The following FADS3 variants were observed in gnomAD, a reference collection of about 807,000 sequenced individuals.
FADS3 encodes the protein fatty acid desaturase 3.
A neutral mutation model predicts 60.4 loss-of-function variants in FADS3; 30 were observed. The observed-to-expected ratio is 0.50, with a 90% CI of 0.37 to 0.67. The LOEUF (loss-of-function observed/expected upper bound fraction) is 0.67. Ranked by LOEUF, FADS3 falls within the 30% of genes least tolerant of loss-of-function variation. The probability of loss-of-function intolerance (pLI) is 0.00; values close to 1 mark genes in which losing one functional copy is unlikely to be tolerated. For missense variants in FADS3, 432 were observed against 598.3 expected, an observed-to-expected ratio of 0.72 and a Z score of 2.90; for synonymous variants, 234 against 249.3, an observed-to-expected ratio of 0.94 and a Z score of 0.58.
At chr11:61,881,371 C>A (rs1938123914) in intron 1 of FADS3, 1 of 152,188 alleles carries the variant, frequency 6.6e-6, no homozygotes, top group African/African-American at 2.4e-5. Context: ...CACACCTGGG[C>A]TCACTTAGCC....
At position 61,875,844 on chromosome 11, in the gene FADS3, G is replaced by A; in HGVS notation, c.1286+7C>T. On this transcript the variant is annotated splice_region_variant and intron_variant, in intron 11 of 11. Transcript: ENST00000278829. ...ACCAGAACAGAGGGGCCGGGCTGCA[G>A]CCTCACCTGACGATGTCCACCAGCG... 3.1e-6 allele frequency: 5 copies of A among 1,611,234 alleles called. No homozygotes were observed. The highest frequency in any genetic ancestry group is 1.7e-6 in the Non-Finnish European group (2 of 1,178,448).
At chr11:61,885,992 C>T (rs1938299958) in intron 1 of FADS3, among the ~76,000 whole-genome samples, 1 of 152,122 alleles carries the variant, frequency 6.6e-6, no homozygotes, top group African/African-American at 2.4e-5. Context: ...GATGAGGAAA[C>T]TGAGGCCCCA....
At chr11:61,879,895 G>C in intron 2 of FADS3, 146 bp downstream of exon 2, 1 of 636,374 alleles carries the variant, frequency 1.6e-6, no homozygotes, top group Non-Finnish European at 2.7e-6. Flanking sequence ...CCTGCCCCCT[G>C]GGAGGGGAGG....
Position 61,879,500 on chromosome 11 carries a change from C to T in FADS3, c.334G>A (p.Val112Ile). 6.3e-7 allele frequency: 1 copy of T among 1,578,880 alleles called. No individual in the cohort carries two copies. Among genetic ancestry groups the T allele is most frequent in the Non-Finnish European group, 8.6e-7 (1 of 1,165,332 alleles). ...SQDGPLNAQLVEDFRALHQAA... is the reference protein window; with the variant it reads ...SQDGPLNAQLIEDFRALHQAA... ...TGGTGCAGGGCTCGGAAGTCCTCGACCAGCTGCGCCTGCCATAGCAGAGGG... is the reference window on the plus strand; with the variant it reads ...TGGTGCAGGGCTCGGAAGTCCTCGATCAGCTGCGCCTGCCATAGCAGAGGG... The change falls in exon 3 of 12, where the codon GTC becomes ATC. Residue 112 changes from valine (V) to isoleucine (I), a missense_variant. Physicochemically the swap from Val to Ile is conservative, Grantham distance 29. Transcript: ENST00000278829.
chr11:61,876,451 G>A lies in FADS3; in HGVS notation c.988C>T (p.Leu330=), dbSNP rs757562139. 6.2e-6 allele frequency: 10 copies of A among 1,613,370 alleles called. No individual in the cohort carries two copies. The South Asian group carries it at 8.8e-5, about 14-fold the overall frequency. The stretch of plus-strand genomic sequence containing the variant: ...ATCCACACGAACCAGTGGCTTTCCA[G>A]GACCCTGTGGGGAGGCTCGGGCACT... ...VLLFFVAVRV[L]ESHWFVWITQ... The change falls in exon 9 of 12, where the codon CTG becomes TTG. Residue 330 remains leucine (L), a synonymous_variant. Transcript: ENST00000278829. This position sits in a 1 kb window ranked among gnomAD's most constrained non-coding sequence, Gnocchi z 5.7.
intron 1 of FADS3, 59 bp downstream of exon 1, chr11:61,891,110 C>A: frequency 7.0e-7 from 1 of 1,418,946 alleles, no homozygotes; most frequent in Non-Finnish European, 9.7e-7. Flanking sequence ...GGACATCACG[C>A]CCACGACCGA....
At chr11:61,887,900 CCT>C (rs1264429041) in intron 1 of FADS3, among the ~76,000 whole-genome samples, 3 of 152,220 alleles carry the variant, frequency 2.0e-5, no homozygotes, top group Admixed American at 1.3e-4. Context: ...CCTCTCTGAG[CCT>C]CTGTTTTCTC....
chr11:61,876,806 G>T lies in FADS3; in HGVS notation c.983+60C>A, dbSNP rs769574979. 2.1e-5 allele frequency: 27 copies of T among 1,290,256 alleles called. No homozygotes were observed. In the East Asian group the frequency reaches 2.2e-4, roughly 10 times the overall value. The allele number at this position is 1,290,256 out of a possible 1,614,324, so 79.9% of individuals were successfully genotyped here. A position where few individuals can be genotyped will look rare whatever the true frequency, so the allele number is the denominator to read the frequency against. ...CAGACGGGAAAAGGGAAGCTCTGGT[G>T]GGGGGCTGCAGTGGGGGTCACCTGT... On this transcript the variant is annotated intron_variant, in intron 8 of 11. Coordinates refer to ENST00000278829, the MANE Select transcript of FADS3 (RefSeq NM_021727.5). This position sits in a 1 kb window ranked among gnomAD's most constrained non-coding sequence, Gnocchi z 5.7.
At chr11:61,890,785 C>T (rs1938478027) in intron 1 of FADS3, among the ~76,000 whole-genome samples, 1 of 152,222 alleles carries the variant, frequency 6.6e-6, no homozygotes, top group African/African-American at 2.4e-5. Context: ...CTTACCGGCC[C>T]CTGGGGACCC....
chr11:61,891,119 G>C (rs764088148), intron 1 of FADS3, 50 bp downstream of exon 1: 143 of 1,473,700 alleles, frequency 9.7e-5, no homozygotes, highest in Non-Finnish European at 1.3e-4. Context: ...GCCCACGACC[G>C]AGCTCCAGGC....
At chr11:61,883,647 T>C (rs1251446490) in intron 1 of FADS3, among the ~76,000 whole-genome samples, 1 of 152,076 alleles carries the variant, frequency 6.6e-6, no homozygotes, top group Non-Finnish European at 1.5e-5. Flanking sequence ...CAGAATCTCC[T>C]CCCTCCCAGC....
chr11:61,877,483 G>T lies in FADS3; in HGVS notation c.885+28C>A. 6.2e-7 allele frequency: 1 copy of T among 1,607,746 alleles called. No homozygotes were observed. The highest frequency in any genetic ancestry group is 8.5e-7 in the Non-Finnish European group (1 of 1,177,324). Reference sequence around the variant, plus strand: ...CCACCTCCTGCCACGGCAGCCGTATGCCCGGGGTCCTGGGCAACCCCACTC... The same window carrying T: ...CCACCTCCTGCCACGGCAGCCGTATTCCCGGGGTCCTGGGCAACCCCACTC... On this transcript the variant is annotated intron_variant, in intron 7 of 11. Transcript: ENST00000278829. This position sits in a 1 kb window ranked among gnomAD's most constrained non-coding sequence, Gnocchi z 4.7.
chr11:61,888,137 C>A (rs535204957), intron 1 of FADS3, among the ~76,000 whole-genome samples: 1 of 152,348 alleles, frequency 6.6e-6, no homozygotes. Flanking sequence ...ACAAACCTGG[C>A]CAAGGGCCCA....
rs1469791141 is a variant in FADS3, at chr11:61,879,397, T to G, written c.437A>C (p.Glu146Ala). The G allele has an allele frequency of 6.3e-7, 1 of 1,589,316 alleles. No homozygotes were observed. The highest frequency in any genetic ancestry group is 1.1e-5 in the South Asian group (1 of 87,010). The change falls in exon 3 of 12, where the codon GAG (glutamate) becomes GCG (alanine). Residue 146 changes from glutamate (E) to alanine (A), a missense_variant. By Grantham distance (107) the Glu-to-Ala change is moderately radical (BLOSUM62 -1). Transcript: ENST00000278829. ...GTAGATAAGGAGCCAGGCCAGCACC[T>G]CCATGGCCAGGATGTGGCCCAGTAG... is the stretch of plus-strand genomic sequence containing the variant. ...AFLLGHILAM[E>A]VLAWLLIYLL...
chr11:61,876,054 GA>G lies in FADS3; in HGVS notation c.1160+56del. On this transcript the variant is annotated intron_variant, in intron 10 of 11. Coordinates refer to ENST00000278829, the MANE Select transcript of FADS3 (RefSeq NM_021727.5). This position sits in a 1 kb window ranked among gnomAD's most constrained non-coding sequence, Gnocchi z 5.7. ...GCCCCACCCACGGGTCCCCTCCCAG[GA>G]TCCCCTCCCAGGACCCCCTCCCCAC... The G allele has an allele frequency of 6.2e-7, 1 of 1,608,912 alleles. No individual in the cohort carries two copies. Among genetic ancestry groups the G allele is most frequent in the Non-Finnish European group, 8.5e-7 (1 of 1,177,092 alleles).
At position 61,879,374 on chromosome 11, in the gene FADS3, A is replaced by G; in HGVS notation, c.460T>C (p.Tyr154His). 1 of 1,570,906 alleles carries G rather than the reference A, an allele frequency of 6.4e-7. No individual in the cohort carries two copies. Among genetic ancestry groups the G allele is most frequent in the Middle Eastern group, 1.7e-4 (1 of 5,976 alleles). ...GGCACCCAGCCAGGACCCAGGAGGT[A>G]GATAAGGAGCCAGGCCAGCACCTCC... ...AMEVLAWLLI[Y>H]LLGPGWVPSA... The change falls in exon 3 of 12, where the codon TAC becomes CAC. Residue 154 changes from tyrosine to histidine, a missense_variant. Physicochemically the swap from Tyr to His is moderately conservative, Grantham distance 83 (BLOSUM62 2). This residue lies in a region of FADS3 where 116 missense variants were observed against 208.9 expected (regional missense o/e 0.56). Transcript: ENST00000278829.
chr11:61,873,975 G>A, intron 11 of FADS3, 110 bp from the exon 12 acceptor site: 1 of 693,480 alleles, frequency 1.4e-6, no homozygotes, highest in Non-Finnish European at 2.5e-6. Flanking sequence ...ATTCCCTGTG[G>A]GTTCCCTTCC....
intron 1 of FADS3, among the ~76,000 whole-genome samples, chr11:61,890,046 G>C (rs1938445079): frequency 6.6e-6 from 1 of 151,734 alleles, no homozygotes; most frequent in Admixed American, 6.6e-5. Context: ...CTGCCCCCAG[G>C]CTGCTTCATC....
intron 1 of FADS3, among the ~76,000 whole-genome samples, chr11:61,887,928 A>G (rs891142888): frequency 1.3e-5 from 2 of 152,250 alleles, no homozygotes; most frequent in Non-Finnish European, 2.9e-5. Flanking sequence ...TCAAGTGGCA[A>G]TAACAATAAA....
Sources: allele counts gnomAD v4.1 joint callset (sites outside exome capture counted in the v4.1 genomes callset), GRCh38; gene constraint gnomAD v4.1.1; regional missense constraint gnomAD v4.1.1; non-coding constraint Gnocchi (gnomAD v3.1); transcripts MANE v1.5; gene names NCBI Gene and HGNC (gene_info 2026-07-23, HGNC 2026-07-21).